BANK1: variants seen among roughly 807,000 people sequenced by gnomAD.
The protein encoded by BANK1 is B-cell scaffold protein with ankyrin repeats.
BANK1 carries 95 observed loss-of-function variants against 94.5 expected under a neutral mutation model. The observed-to-expected ratio is 1.00, with a 90% CI of 0.85 to 1.19. BANK1 has a LOEUF of 1.19. Ranked by LOEUF, BANK1 falls within the 50% of genes most tolerant of loss-of-function variation. BANK1 has a pLI of 0.00. For synonymous variants in BANK1, 334 were observed against 308.4 expected (o/e 1.08, Z -0.87); for missense variants, 987 against 932.2 (o/e 1.06, Z -0.77).
chr4:101,844,642 C>T (rs1274298380), intron 2 of BANK1, among the ~76,000 whole-genome samples: 1 of 152,202 alleles, frequency 6.6e-6, no homozygotes, highest in African/African-American at 2.4e-5. Flanking sequence ...TGACTTATGA[C>T]AATTTATTTA....
intron 6 of BANK1, among the ~76,000 whole-genome samples, chr4:101,914,803 G>A (rs1006011195): frequency 2.6e-5 from 4 of 152,128 alleles, no homozygotes; most frequent in Admixed American, 2.0e-4. Context: ...CTGCTTTCAA[G>A]TGCTTAGAAA....
intron 7 of BANK1, among the ~76,000 whole-genome samples, chr4:101,945,304 A>G (rs1189404491): frequency 6.6e-6 from 1 of 151,872 alleles, no homozygotes; most frequent in Non-Finnish European, 1.5e-5. Flanking sequence ...TTTCCTTATC[A>G]TTGCTCAGGT....
intron 7 of BANK1, among the ~76,000 whole-genome samples, chr4:101,948,737 CT>C (rs1452630889): frequency 1.3e-5 from 2 of 151,974 alleles, no homozygotes; most frequent in Non-Finnish European, 2.9e-5. Context: ...TATGGGTATG[CT>C]ACTAATGTGT....
At chr4:102,029,432 A>T (rs1413918431) in intron 9 of BANK1, among the ~76,000 whole-genome samples, 2 of 151,578 alleles carry the variant, frequency 1.3e-5, no homozygotes, top group Non-Finnish European at 2.9e-5. Flanking sequence ...CTTGAAAAAC[A>T]CAAGTTTTCA....
chr4:101,901,687 C>T (rs967878767), intron 6 of BANK1, among the ~76,000 whole-genome samples: 1 of 151,996 alleles, frequency 6.6e-6, no homozygotes, highest in Admixed American at 6.6e-5. Flanking sequence ...CATTAAGAGG[C>T]AGATGATAAA....
chr4:102,046,140 A>G (rs1042104509), intron 11 of BANK1, among the ~76,000 whole-genome samples: 4 of 151,686 alleles, frequency 2.6e-5, no homozygotes, highest in Non-Finnish European at 5.9e-5. Flanking sequence ...ATAACGCCGC[A>G]TATCTACAAC....
At chr4:101,950,018 GGT>G (rs6148602) in intron 7 of BANK1, among the ~76,000 whole-genome samples, 6,532 of 149,338 alleles carry the variant, frequency 0.044, 267 homozygotes, top group African/African-American at 0.1. Flanking sequence ...GGAAGTAAGG[GGT>G]GTGTGTGTGT....
intron 2 of BANK1, among the ~76,000 whole-genome samples, chr4:101,840,178 C>T (rs914007534): frequency 2.0e-5 from 3 of 150,008 alleles, no homozygotes; most frequent in South Asian, 2.1e-4. Flanking sequence ...CCGTTTTAGC[C>T]GGGATGGTCT....
At chr4:101,799,683 G>T (rs1439117862) in intron 1 of BANK1, among the ~76,000 whole-genome samples, 3 of 152,060 alleles carry the variant, frequency 2.0e-5, no homozygotes, top group Non-Finnish European at 2.9e-5. Context: ...GGCCATCCTG[G>T]CTAACACGGT....
intron 7 of BANK1, among the ~76,000 whole-genome samples, chr4:101,991,407 T>C (rs1725702631): frequency 6.6e-6 from 1 of 152,262 alleles, no homozygotes; most frequent in Non-Finnish European, 1.5e-5. Flanking sequence ...ATAAGCTCTT[T>C]ATATTCCTGG....
intron 7 of BANK1, among the ~76,000 whole-genome samples, chr4:102,011,583 A>G (rs1415703083): frequency 6.6e-6 from 1 of 152,190 alleles, no homozygotes; most frequent in Non-Finnish European, 1.5e-5. Context: ...GATTTCTGGG[A>G]TGAAGAAAAG....
intron 11 of BANK1, among the ~76,000 whole-genome samples, chr4:102,055,503 A>T (rs1451449313): frequency 6.6e-6 from 1 of 152,074 alleles, no homozygotes; most frequent in African/African-American, 2.4e-5. Flanking sequence ...CTGCAATAAC[A>T]TGCATCTAAA....
At chr4:101,869,870 T>C (rs1288841764) in intron 4 of BANK1, among the ~76,000 whole-genome samples, 1 of 152,002 alleles carries the variant, frequency 6.6e-6, no homozygotes, top group Non-Finnish European at 1.5e-5. Context: ...AATTCTTATA[T>C]AACTTTAATT....
At chr4:101,927,757 G>C (rs1166027636) in intron 7 of BANK1, among the ~76,000 whole-genome samples, 1 of 151,562 alleles carries the variant, frequency 6.6e-6, no homozygotes, top group Non-Finnish European at 1.5e-5. Flanking sequence ...GAGGAAGATT[G>C]AATGAAGAAA....
intron 1 of BANK1, among the ~76,000 whole-genome samples, chr4:101,820,753 G>T (rs952236110): frequency 6.6e-6 from 1 of 152,120 alleles, no homozygotes; most frequent in Non-Finnish European, 1.5e-5. Flanking sequence ...GAATTAGTTT[G>T]CTGAGAATAA....
At chr4:102,014,745 T>C (rs3135465) in intron 7 of BANK1, among the ~76,000 whole-genome samples, 148,007 of 152,202 alleles carry the variant, frequency 0.97, 72,014 homozygotes, top group East Asian at 1. Flanking sequence ...AATTTAGCAG[T>C]ATTGGTGTTG....
chr4:101,856,290 A>T (rs1727677188), intron 3 of BANK1, among the ~76,000 whole-genome samples: 1 of 152,206 alleles, frequency 6.6e-6, no homozygotes, highest in African/African-American at 2.4e-5. Context: ...AAATGCTTTG[A>T]CACTACCTTA....
At chr4:101,919,681 T>G (rs975531171) in intron 7 of BANK1, among the ~76,000 whole-genome samples, 3 of 152,028 alleles carry the variant, frequency 2.0e-5, no homozygotes, top group African/African-American at 7.2e-5. Context: ...TTACATAATT[T>G]TCTATAGTAT....
chr4:101,968,591 TAAG>T (rs1253136031), intron 7 of BANK1, among the ~76,000 whole-genome samples: 1 of 151,408 alleles, frequency 6.6e-6, no homozygotes, highest in African/African-American at 2.4e-5. Flanking sequence ...GGCAGACAAG[TAAG>T]AAGGTGATGG....
Sources: allele counts gnomAD v4.1 joint callset (sites outside exome capture counted in the v4.1 genomes callset), GRCh38; gene constraint gnomAD v4.1.1; transcripts MANE v1.5; gene names NCBI Gene and HGNC (gene_info 2026-07-23, HGNC 2026-07-21).